Variants in CEP95 observed in about 807,000 individuals in gnomAD.
CEP95 encodes centrosomal protein 95.
A neutral mutation model predicts 111.2 loss-of-function variants in CEP95; 98 were observed. The ratio of observed to expected loss-of-function variants is 0.88; its 90% CI spans 0.75 to 1.04. CEP95 has a LOEUF of 1.04. Among genes scored for constraint, CEP95 ranks in the 50% least tolerant of loss-of-function variants. The pLI is 0.00. For synonymous variants in CEP95, 323 were observed against 327.1 expected, an observed-to-expected ratio of 0.99 and a Z score of 0.14; for missense variants, 1,027 against 977.2, an observed-to-expected ratio of 1.05 and a Z score of -0.68.
At chr17:64,534,788 C>A (rs117353725) in intron 17 of CEP95, 51 bp downstream of exon 17, 48,162 of 1,576,266 alleles carry the variant, frequency 0.031, 831 homozygotes, top group Middle Eastern at 0.069. Context: ...ACTTTGTTAT[C>A]TTTCAGGACC....
At position 64,537,725 on chromosome 17, in the gene CEP95, C is replaced by T. The variant is rs1555681947; in HGVS notation, c.2412C>T (p.Phe804=). 1.2e-5 allele frequency: 20 copies of T among 1,611,642 alleles called. No homozygotes were observed. Among genetic ancestry groups the T allele is most frequent in the Non-Finnish European group, 1.5e-5 (18 of 1,178,874 alleles). ...TCCGGGAACTGGAAGCTGAGCGCTT[C>T]AGATCTCGGCTTCAGCTGGCTTCCT... is the stretch of plus-strand genomic sequence containing the variant. ...VFFRELEAER[F]RSRLQLASFQ... is the part of the protein sequence containing the mutation. Residue 804 remains phenylalanine, a synonymous_variant, in exon 20 of 20, where the codon TTC becomes TTT. Transcript: ENST00000556440.
At chr17:64,533,889 CAAGT>C (rs2144540574) in intron 16 of CEP95, 1 of 152,328 alleles carries the variant, frequency 6.6e-6, no homozygotes, top group East Asian at 1.9e-4. Context: ...TCTCAGGTCC[CAAGT>C]AGAGAGCTCC....
At chr17:64,519,010 A>G (rs930362755) in intron 5 of CEP95, among the ~76,000 whole-genome samples, 1 of 152,164 alleles carries the variant, frequency 6.6e-6, no homozygotes, top group Non-Finnish European at 1.5e-5. Context: ...AGAATTTTAA[A>G]GTAACAAAAT....
chr17:64,520,920 G>C (rs1237857083), intron 6 of CEP95, among the ~76,000 whole-genome samples: 1 of 152,114 alleles, frequency 6.6e-6, no homozygotes, highest in Non-Finnish European at 1.5e-5. Context: ...TTACAAAATG[G>C]CATCTTACTT....
At position 64,527,270 on chromosome 17, in the gene CEP95, TA is replaced by T. The variant is rs541789669; in HGVS notation, c.1306+7del. 1.2e-4 allele frequency: 189 copies of T among 1,599,286 alleles called. 1 individual carries two copies. The South Asian group carries it at 2.0e-3, about 17-fold the overall frequency. On this transcript the variant is annotated splice_region_variant and intron_variant, in intron 11 of 19. Coordinates refer to ENST00000556440, the MANE Select transcript of CEP95 (RefSeq NM_138363.3). Reference sequence around the variant, plus strand: ...GCCAAAGAAGTCAAGGCCAGGTACTTACCCCAGAGAGACTGAGAAGGGGGAC... The same window carrying T: ...GCCAAAGAAGTCAAGGCCAGGTACTTCCCCAGAGAGACTGAGAAGGGGGAC...
At chr17:64,531,518 C>T (rs1418115429) in intron 13 of CEP95, among the ~76,000 whole-genome samples, 1 of 152,052 alleles carries the variant, frequency 6.6e-6, no homozygotes, top group Non-Finnish European at 1.5e-5. Context: ...TACAACTAAG[C>T]ATACTGCATA....
At position 64,518,426 on chromosome 17, in the gene CEP95, A is replaced by G. The variant is rs1967043703; in HGVS notation, c.474-895A>G. On this transcript the variant is annotated intron_variant, in intron 5 of 19. Coordinates refer to ENST00000556440, the MANE Select transcript of CEP95 (RefSeq NM_138363.3). ...TTTTCCAAAAAGGCCATGACTGTAC[A>G]TTTACCAACAGTATAGCAATGCTGG... Among the ~76,000 whole-genome samples the G allele has an allele frequency of 2.0e-5, 3 of 152,304 alleles. No individual in the cohort carries two copies. In the South Asian group the frequency reaches 6.2e-4, roughly 32 times the overall value.
In CEP95 at chr17:64,521,526, CAGTG is replaced by C; in HGVS notation, c.715+3_715+6del. On this transcript the variant is annotated splice_donor_variant and splice_donor_region_variant and coding_sequence_variant and intron_variant, in exon 7 of 20. Coordinates refer to ENST00000556440, the MANE Select transcript of CEP95 (RefSeq NM_138363.3). LOFTEE classifies it high-confidence loss of function. ...AGAGTAGGACATCCTTTGTTGAAGA[CAGTG>C]AGTTGTAATGGATGTTAGTTCTTTA... 2 of 1,609,354 alleles carry C rather than the reference CAGTG, an allele frequency of 1.2e-6. No individual in the cohort carries two copies. Among genetic ancestry groups the C allele is most frequent in the Non-Finnish European group, 1.7e-6 (2 of 1,177,896 alleles).
intron 16 of CEP95, 25 bp downstream of exon 16, chr17:64,533,216 TATA>T: frequency 1.9e-6 from 3 of 1,553,166 alleles, no homozygotes; most frequent in Non-Finnish European, 2.6e-6. Flanking sequence ...AGTTGGGTAT[TATA>T]ATTCTGAATT....
intron 11 of CEP95, among the ~76,000 whole-genome samples, chr17:64,527,849 TTAA>T (rs1444614119): frequency 7.4e-6 from 1 of 134,796 alleles, no homozygotes; most frequent in Non-Finnish European, 1.5e-5. Flanking sequence ...AGTGTGCCAC[TTAA>T]TGTGTGTGTG....
chr17:64,507,409 C>T (rs940446582), intron 1 of CEP95: 23 of 1,371,118 alleles, frequency 1.7e-5, no homozygotes, highest in East Asian at 2.8e-5. Flanking sequence ...CCGGACTTGT[C>T]TTTCTGTGGG....
intron 5 of CEP95, among the ~76,000 whole-genome samples, chr17:64,518,837 C>T (rs1027927929): frequency 7.2e-5 from 11 of 152,072 alleles, no homozygotes; most frequent in Admixed American, 2.0e-4. Context: ...CCTGCCACCA[C>T]GTCCAGCTAA....
chr17:64,527,358 T>C, intron 11 of CEP95, 94 bp downstream of exon 11: 2 of 955,984 alleles, frequency 2.1e-6, no homozygotes, highest in Non-Finnish European at 2.9e-6. Flanking sequence ...TAATTTTAAA[T>C]AGTTGAGAAA....
At chr17:64,514,131 T>C in intron 3 of CEP95, 117 bp from the exon 4 acceptor site, 1 of 486,862 alleles carries the variant, frequency 2.1e-6, no homozygotes, top group Non-Finnish European at 3.8e-6. Flanking sequence ...TGTAAGTTGG[T>C]ATGTATCGCC....
chr17:64,527,428 AG>A (rs1967902820), intron 11 of CEP95, among the ~76,000 whole-genome samples, 164 bp downstream of exon 11: 1 of 152,228 alleles, frequency 6.6e-6, no homozygotes, highest in Non-Finnish European at 1.5e-5. Flanking sequence ...AGAAGTAGCA[AG>A]TGTTAACAAT....
At chr17:64,508,983 C>T (rs1285292568) in intron 2 of CEP95, among the ~76,000 whole-genome samples, 1 of 151,958 alleles carries the variant, frequency 6.6e-6, no homozygotes, top group Non-Finnish European at 1.5e-5. Context: ...TAATAACGGC[C>T]TTGAGCAGAT....
chr17:64,512,931 G>C (rs1289205433), intron 3 of CEP95, among the ~76,000 whole-genome samples: 2 of 152,154 alleles, frequency 1.3e-5, no homozygotes, highest in Admixed American at 1.3e-4. Flanking sequence ...TTAATGCAGA[G>C]CTGTCTTTGA....
chr17:64,536,472 G>A (rs558234564), intron 17 of CEP95, 130 bp from the exon 18 acceptor site: 31 of 596,892 alleles, frequency 5.2e-5, no homozygotes, highest in African/African-American at 4.8e-4. Flanking sequence ...ACATTTTATG[G>A]TATGTCAAAA....
chr17:64,510,384 G>T, intron 3 of CEP95, 104 bp downstream of exon 3: 1 of 720,308 alleles, frequency 1.4e-6, no homozygotes, highest in South Asian at 1.7e-5. Context: ...TTATGGAGTA[G>T]ACCAAATTGT....
Sources: allele counts gnomAD v4.1 joint callset (sites outside exome capture counted in the v4.1 genomes callset), GRCh38; gene constraint gnomAD v4.1.1; transcripts MANE v1.5; gene names NCBI Gene and HGNC (gene_info 2026-07-23, HGNC 2026-07-21).